C14orf132: variants seen among roughly 807,000 people sequenced by gnomAD.
C14orf132 encodes the protein chromosome 14 open reading frame 132, also known as uncharacterized protein C14orf132.
In C14orf132, 6 loss-of-function variants were observed where a neutral mutation model predicts 5.8. The ratio of observed to expected loss-of-function variants is 1.03; its 90% CI spans 0.57 to 2.04. The LOEUF (loss-of-function observed/expected upper bound fraction) is 2.04, where lower values mean the gene tolerates loss of function less well. Ranked by LOEUF, C14orf132 falls within the 30% of genes most tolerant of loss-of-function variation. The probability of loss-of-function intolerance (pLI) is 0.00; values close to 1 mark genes in which losing one functional copy is unlikely to be tolerated. For synonymous variants in C14orf132, 51 were observed against 49.8 expected, an observed-to-expected ratio of 1.02 and a Z score of -0.10; for missense variants, 125 against 115.8, an observed-to-expected ratio of 1.08 and a Z score of -0.37.
In C14orf132 at chr14:96,091,309, C is replaced by T. The variant is rs969421997; in HGVS notation, c.*4574C>T. 1 of 335,472 alleles carries T rather than the reference C, an allele frequency of 3.0e-6. No homozygotes were observed. The highest frequency in any genetic ancestry group is 5.8e-6 in the Non-Finnish European group (1 of 172,494). 20.8% of individuals were successfully genotyped at this position (335,472 alleles called of 1,614,324 possible). ...AGTGTAAGTCCAGGAAAGGGGCAGG[C>T]GGCAGTGCACAGGGATTTATCAGTT... On this transcript the variant is annotated 3_prime_UTR_variant, in exon 2 of 2. Coordinates refer to ENST00000555004, the MANE Select transcript of C14orf132 (RefSeq NM_001252507.3).
At chr14:96,059,118 G>A (rs1887269233) in intron 1 of C14orf132, among the ~76,000 whole-genome samples, 1 of 152,154 alleles carries the variant, frequency 6.6e-6, no homozygotes, top group Non-Finnish European at 1.5e-5. Context: ...AAAAAAGTTA[G>A]CCAAGTGTGG....
rs1423514402 is a variant in C14orf132 at position 96,087,979 on chromosome 14, A to C, written c.*1244A>C. On this transcript the variant is annotated 3_prime_UTR_variant, in exon 2 of 2. Coordinates refer to ENST00000555004, the MANE Select transcript of C14orf132 (RefSeq NM_001252507.3). ...CCCACCCCCCACACCTTCCCAAGGC[A>C]GCATCCCAGTGCAGATAGAGTGGGA... is the stretch of plus-strand genomic sequence containing the variant. 5.2e-5 allele frequency: 6 copies of C among 115,894 alleles called. No homozygotes were observed. Among genetic ancestry groups the C allele is most frequent in the Non-Finnish European group, 3.4e-5 (2 of 58,934 alleles). 7.2% of individuals were successfully genotyped at this position (115,894 alleles called of 1,614,324 possible).
chr14:96,077,397 G>A (rs542839333), intron 1 of C14orf132, among the ~76,000 whole-genome samples: 5 of 152,114 alleles, frequency 3.3e-5, no homozygotes, highest in African/African-American at 1.2e-4. Context: ...TGGAGATAGG[G>A]TCTTTAAAGG....
chr14:96,059,638 G>A (rs2146939), intron 1 of C14orf132, among the ~76,000 whole-genome samples: 93,433 of 151,822 alleles, frequency 0.62, 29,411 homozygotes, highest in East Asian at 0.89. Context: ...GTGTCTGCTG[G>A]GGGGGCCCTA....
rs750013884 is a variant in C14orf132 at position 96,090,686 on chromosome 14, G to C, written c.*3951G>C. 5 of 455,948 alleles carry C rather than the reference G, an allele frequency of 1.1e-5. No individual in the cohort carries two copies. Among genetic ancestry groups the C allele is most frequent in the Non-Finnish European group, 1.8e-5 (4 of 226,804 alleles). The allele number at this position is 455,948 out of a possible 1,614,324, so 28.2% of individuals were successfully genotyped here. A position where few individuals can be genotyped will look rare whatever the true frequency, so the allele number is the denominator to read the frequency against. On this transcript the variant is annotated 3_prime_UTR_variant, in exon 2 of 2. Coordinates refer to ENST00000555004, the MANE Select transcript of C14orf132 (RefSeq NM_001252507.3). ...TTCTCGCTCCTTTCAGATCCCCCAG[G>C]ATCTGAGGGAGAAAGGATGGGAGGA...
At chr14:96,053,459 A>C (rs539050672) in intron 1 of C14orf132, among the ~76,000 whole-genome samples, 3 of 152,222 alleles carry the variant, frequency 2.0e-5, no homozygotes, top group Non-Finnish European at 4.4e-5. Context: ...TGCCCAGTAC[A>C]TGTTGACTTT....
At chr14:96,042,629 T>C (rs1442479069) in intron 1 of C14orf132, among the ~76,000 whole-genome samples, 1 of 152,206 alleles carries the variant, frequency 6.6e-6, no homozygotes, top group African/African-American at 2.4e-5. Context: ...TAAATAGATA[T>C]CCTCTTTGGG....
Position 96,090,529 on chromosome 14 carries a change from C to G in C14orf132, c.*3794C>G, listed in dbSNP as rs1300177724. ...CCTGTCTTAAGAGGACTTGTGCTTCCAGGGACCCAGGCAGGATGATGGCGC... is the reference window on the plus strand; with the variant it reads ...CCTGTCTTAAGAGGACTTGTGCTTCGAGGGACCCAGGCAGGATGATGGCGC... On this transcript the variant is annotated 3_prime_UTR_variant, in exon 2 of 2. Coordinates refer to ENST00000555004, the MANE Select transcript of C14orf132 (RefSeq NM_001252507.3). The G allele has an allele frequency of 1.4e-5, 6 of 442,476 alleles. 1 individual carries two copies. Among genetic ancestry groups the G allele is most frequent in the Admixed American group, 4.8e-5 (2 of 41,564 alleles). The allele number at this position is 442,476 out of a possible 1,614,324, so 27.4% of individuals were successfully genotyped here.
chr14:96,081,960 G>A (rs979636463), intron 1 of C14orf132, among the ~76,000 whole-genome samples: 6 of 152,008 alleles, frequency 3.9e-5, no homozygotes, highest in Middle Eastern at 3.2e-3. Context: ...TATCTCCTCC[G>A]ATAGGGAAAC....
At chr14:96,078,276 C>T (rs1351673835) in intron 1 of C14orf132, among the ~76,000 whole-genome samples, 2 of 152,242 alleles carry the variant, frequency 1.3e-5, no homozygotes, top group East Asian at 1.9e-4. Flanking sequence ...CTTTGAGAGG[C>T]AGGACCAGGA....
At chr14:96,056,232 G>A (rs1168063462) in intron 1 of C14orf132, among the ~76,000 whole-genome samples, 1 of 152,212 alleles carries the variant, frequency 6.6e-6, no homozygotes, top group East Asian at 1.9e-4. Flanking sequence ...GTGGCATGCA[G>A]CAGCAATTGG....
chr14:96,055,525 G>T (rs1399854894), intron 1 of C14orf132, among the ~76,000 whole-genome samples: 2 of 152,072 alleles, frequency 1.3e-5, no homozygotes, highest in African/African-American at 2.4e-5. Flanking sequence ...GCATTTATAC[G>T]TATCCTTCAC....
At position 96,068,705 on chromosome 14, in the gene C14orf132, C is replaced by T. The variant is rs74086051; in HGVS notation, c.28-17806C>T. Among the ~76,000 whole-genome samples, 933 of 152,232 alleles carry T rather than the reference C, an allele frequency of 6.1e-3. 6 individuals are homozygous for T. Among genetic ancestry groups the T allele is most frequent in the African/African-American group, 0.022 (893 of 41,508 alleles). On this transcript the variant is annotated intron_variant, in intron 1 of 1. Coordinates refer to ENST00000555004, the MANE Select transcript of C14orf132 (RefSeq NM_001252507.3). ...TGCACCTGGCTTCTGTGCAAAGTTC[C>T]GCCCATTAGCTCTTGTCACCTTTAG...
At chr14:96,041,190 C>T (rs1886685408) in intron 1 of C14orf132, among the ~76,000 whole-genome samples, 2 of 152,184 alleles carry the variant, frequency 1.3e-5, no homozygotes, top group African/African-American at 2.4e-5. Flanking sequence ...GGAACAGAAA[C>T]ATGAAGTACC....
At chr14:96,075,783 A>G (rs947074006) in intron 1 of C14orf132, among the ~76,000 whole-genome samples, 1 of 152,084 alleles carries the variant, frequency 6.6e-6, no homozygotes, top group African/African-American at 2.4e-5. Flanking sequence ...TATCTTCTCT[A>G]TATATTGCTG....
At chr14:96,049,676 C>A (rs1886974368) in intron 1 of C14orf132, among the ~76,000 whole-genome samples, 2 of 110,636 alleles carry the variant, frequency 1.8e-5, no homozygotes, top group African/African-American at 6.8e-5. Context: ...AGAGAGAGTT[C>A]TGTCTTCTCT....
At chr14:96,056,912 C>T (rs1887200324) in intron 1 of C14orf132, among the ~76,000 whole-genome samples, 2 of 152,188 alleles carry the variant, frequency 1.3e-5, no homozygotes. Context: ...TGACAGAGGA[C>T]TTTGGTAGGT....
intron 1 of C14orf132, among the ~76,000 whole-genome samples, chr14:96,063,972 A>G (rs1887441778): frequency 1.3e-5 from 2 of 152,190 alleles, no homozygotes; most frequent in East Asian, 1.9e-4. Flanking sequence ...ATATGAAAAA[A>G]TGCTCAACAT....
In C14orf132 at chr14:96,093,067, A is replaced by G. The variant is rs1343494932; in HGVS notation, c.*6332A>G. ...TTCCACTTTTCCCCATTTGTGAGTC[A>G]TTGAGTAAATTAAAGCTCTTCTGAG... On this transcript the variant is annotated 3_prime_UTR_variant, in exon 2 of 2. Transcript: ENST00000555004. 6.6e-5 allele frequency: 10 copies of G among 152,216 alleles called. No homozygotes were observed. The highest frequency in any genetic ancestry group is 6.2e-4 in the South Asian group (3 of 4,830). The allele number at this position is 152,216 out of a possible 1,614,324, so 9.4% of individuals were successfully genotyped here.
Sources: allele counts gnomAD v4.1 joint callset (sites outside exome capture counted in the v4.1 genomes callset), GRCh38; gene constraint gnomAD v4.1.1; transcripts MANE v1.5; gene names NCBI Gene and HGNC (gene_info 2026-07-23, HGNC 2026-07-21).